F8: variants seen among roughly 807,000 people sequenced by gnomAD.
F8 encodes the protein coagulation factor VIII.
F8 carries 12 observed loss-of-function variants against 140.6 expected under a neutral mutation model. The observed-to-expected ratio is 0.09, with a 90% confidence interval of 0.05 to 0.14. The LOEUF (loss-of-function observed/expected upper bound fraction) is 0.14, where lower values mean the gene tolerates loss of function less well. F8 is among the 10% of genes least tolerant of loss of function. The probability of loss-of-function intolerance (pLI) is 1.00; values close to 1 mark genes in which losing one functional copy is unlikely to be tolerated. For synonymous variants in F8, 585 were observed against 614.6 expected, an observed-to-expected ratio of 0.95 and a Z score of 0.71; for missense variants, 1,354 against 1,720.7, an observed-to-expected ratio of 0.79 and a Z score of 3.77.
At chrX:154,936,826 G>A (rs1222886141) in intron 13 of F8, among the ~76,000 whole-genome samples, 2 of 111,376 alleles carry the variant, frequency 1.8e-5, no homozygotes, top group Non-Finnish European at 3.8e-5. Flanking sequence ...TATTCACTGG[G>A]CATATAGCAA....
intron 11 of F8, among the ~76,000 whole-genome samples, chrX:154,955,757 A>G (rs1557281147): frequency 9.0e-6 from 1 of 111,510 alleles, no homozygotes; most frequent in African/African-American, 3.3e-5. Context: ...AGGCAATAAA[A>G]TATCACAAGG....
rs137852424 is a variant in F8 at position 154,953,991 on chromosome X, G to T, written c.1804C>A (p.Arg602=). The change falls in exon 12 of 26, where the codon CGA becomes AGA. Residue 602 remains arginine (R), a synonymous_variant. Coordinates refer to ENST00000360256, the MANE Select transcript of F8 (RefSeq NM_000132.4). ...VILFSVFDEN[R]SWYLTENIQR... ...ATATTCTCTGTGAGGTACCAGCTTC[G>T]GTTCTCATCAAATACAGAAAACAGG... 1.7e-6 allele frequency: 2 copies of T among 1,210,805 alleles called. No homozygotes were observed. The highest frequency in any genetic ancestry group is 1.1e-6 in the Non-Finnish European group (1 of 894,716).
Position 154,987,223 on chromosome X carries a change from T to G in F8, c.670+14A>C. 8.4e-7 allele frequency: 1 copy of G among 1,188,444 alleles called. No homozygotes were observed. The highest frequency in any genetic ancestry group is 1.1e-6 in the Non-Finnish European group (1 of 874,464). On this transcript the variant is annotated intron_variant, in intron 5 of 25. Transcript: ENST00000360256. The stretch of plus-strand genomic sequence containing the variant: ...TCTTTCAGGAATCCAAAATTCAGAT[T>G]AAGACTCACTAACCTTCATCAAATA...
intron 22 of F8, among the ~76,000 whole-genome samples, chrX:154,872,931 C>T (rs1285179993): frequency 9.0e-6 from 1 of 110,576 alleles, no homozygotes; most frequent in Non-Finnish European, 1.9e-5. Flanking sequence ...ATCTTATTTA[C>T]AATAGCAACA....
At chrX:155,021,385 C>T (rs2073759845) in intron 1 of F8, among the ~76,000 whole-genome samples, 1 of 110,876 alleles carries the variant, frequency 9.0e-6, no homozygotes, top group South Asian at 3.8e-4. Flanking sequence ...TACACAGCCA[C>T]AATCTATGTA....
At chrX:155,000,236 A>T (rs2073639440) in intron 1 of F8, among the ~76,000 whole-genome samples, 1 of 112,349 alleles carries the variant, frequency 8.9e-6, no homozygotes, top group Admixed American at 9.4e-5. Context: ...CTCTCCCTGC[A>T]TGACAGTTTA....
intron 25 of F8, among the ~76,000 whole-genome samples, chrX:154,846,677 C>T (rs1199215807): frequency 3.6e-5 from 4 of 111,624 alleles, no homozygotes; most frequent in Non-Finnish European, 7.5e-5. Flanking sequence ...CTATGTGAGT[C>T]TCTGCATGTG....
intron 16 of F8, 106 bp from the exon 17 acceptor site, chrX:154,904,630 CAA>C: frequency 1.2e-6 from 1 of 805,667 alleles, no homozygotes; most frequent in East Asian, 3.3e-5. Flanking sequence ...TCCCACCTTC[CAA>C]AAATATAATC....
chrX:154,996,512 C>T (rs2073617906), intron 3 of F8, among the ~76,000 whole-genome samples: 1 of 111,936 alleles, frequency 8.9e-6, no homozygotes, highest in African/African-American at 3.3e-5. Flanking sequence ...ATTGGCCTAG[C>T]TTGGGTAAGG....
At chrX:154,996,185 AC>A (rs1312416001) in intron 3 of F8, among the ~76,000 whole-genome samples, 5 of 111,664 alleles carry the variant, frequency 4.5e-5, no homozygotes, top group African/African-American at 1.6e-4. Context: ...CCAAGCCGAG[AC>A]CCTCCAGATT....
intron 13 of F8, among the ~76,000 whole-genome samples, chrX:154,942,969 C>A (rs781824545): frequency 4.1e-4 from 45 of 109,172 alleles, no homozygotes; most frequent in East Asian, 3.7e-3. Context: ...ATTCAACAAC[C>A]CTTCATGCTA....
In F8 at chrX:154,904,402, A is replaced by T. The variant is rs1379202330; in HGVS notation, c.5709T>A (p.Asp1903Glu). Residue 1903 changes from aspartate to glutamate, a missense_variant, in exon 17 of 26, where the codon GAT becomes GAA. By Grantham distance (45) the Asp-to-Glu change is conservative. This residue lies in a region of F8 where 316 missense variants were observed against 485.4 expected (regional missense o/e 0.65). Coordinates refer to ENST00000360256, the MANE Select transcript of F8 (RefSeq NM_000132.4). ...QEFALFFTIFDETKSWYFTEN... is the reference protein window; with the variant it reads ...QEFALFFTIFEETKSWYFTEN... ...CAGTGAAGTACCAGCTTTTGGTCTC[A>T]TCAAAGATGGTGAAAAACAGAGCAA... 4 of 1,209,686 alleles carry T rather than the reference A, an allele frequency of 3.3e-6. No individual in the cohort carries two copies. The highest frequency in any genetic ancestry group is 4.5e-6 in the Non-Finnish European group (4 of 894,622).
At chrX:154,867,686 GTC>G (rs2072741397) in intron 22 of F8, among the ~76,000 whole-genome samples, 1 of 46,969 alleles carries the variant, frequency 2.1e-5, no homozygotes, top group African/African-American at 1.7e-4. Flanking sequence ...GCAAGACTCT[GTC>G]TCAAAAAAAA....
At chrX:154,999,715 G>GT in intron 1 of F8, 115 bp from the exon 2 acceptor site, 1 of 887,674 alleles carries the variant, frequency 1.1e-6, no homozygotes, top group Non-Finnish European at 1.6e-6. Context: ...ATTTGAAGTT[G>GT]TATATAAATC....
At chrX:154,941,607 C>T (rs1377788443) in intron 13 of F8, among the ~76,000 whole-genome samples, 10 of 111,032 alleles carry the variant, frequency 9.0e-5, no homozygotes, top group Non-Finnish European at 1.9e-4. Flanking sequence ...GACAGATCAA[C>T]GAGACAGAAA....
chrX:154,875,832 A>C (rs2072808267), intron 22 of F8, among the ~76,000 whole-genome samples: 1 of 109,985 alleles, frequency 9.1e-6, no homozygotes, highest in Non-Finnish European at 1.9e-5. Context: ...GTATGAATTA[A>C]TGAGACACGT....
intron 25 of F8, among the ~76,000 whole-genome samples, chrX:154,846,223 A>G (rs1379130163): frequency 2.7e-5 from 3 of 110,750 alleles, no homozygotes; most frequent in African/African-American, 9.8e-5. Context: ...CTATGTGGTC[A>G]GTTTTGGATG....
intron 25 of F8, among the ~76,000 whole-genome samples, chrX:154,839,575 G>T (rs782212138): frequency 9.1e-6 from 1 of 110,247 alleles, no homozygotes; most frequent in African/African-American, 3.3e-5. Context: ...TGTTAGCCAG[G>T]ATGGTCTTGA....
chrX:154,913,294 T>C (rs1569559580), intron 14 of F8, among the ~76,000 whole-genome samples: 1 of 111,383 alleles, frequency 9.0e-6, no homozygotes. Flanking sequence ...GCAGGAATTT[T>C]TACAAACAAT....
Sources: gnomAD v4.1 joint callset for allele counts (sites outside exome capture counted in the v4.1 genomes callset) on GRCh38, gnomAD v4.1.1 for gene constraint, gnomAD v4.1.1 regional missense constraint, MANE v1.5 for transcripts, NCBI Gene and HGNC (gene_info 2026-07-23, HGNC 2026-07-21) for gene names.